The following CDKAL1 variants were observed in gnomAD, a reference collection of about 807,000 sequenced individuals.
CDKAL1 encodes the protein CDKAL1 threonylcarbamoyladenosine tRNA methylthiotransferase.
Under a neutral mutation model 68.2 loss-of-function variants are expected in CDKAL1, and 32 were observed. That is an observed-to-expected ratio of 0.47 (90% CI 0.35 to 0.63). The LOEUF (loss-of-function observed/expected upper bound fraction) is 0.63. CDKAL1 is among the 30% of genes least tolerant of loss of function. The pLI, the probability that CDKAL1 is intolerant of heterozygous loss-of-function variation, is 0.00. For missense variants in CDKAL1, 606 were observed against 696.7 expected (o/e 0.87, Z 1.47); for synonymous variants, 234 against 244.3 (o/e 0.96, Z 0.39).
chr6:20,760,072 A>G (rs1774396973), intron 7 of CDKAL1, among the ~76,000 whole-genome samples: 2 of 152,062 alleles, frequency 1.3e-5, no homozygotes, highest in African/African-American at 4.8e-5. Context: ...TCAATTTCTA[A>G]TAAATGAGAT....
chr6:20,875,267 C>G (rs1365835945), intron 9 of CDKAL1, among the ~76,000 whole-genome samples: 1 of 138,252 alleles, frequency 7.2e-6, no homozygotes, highest in South Asian at 2.3e-4. Context: ...CCACTGCAGT[C>G]CGCAGTCCGG....
At chr6:20,768,230 G>A (rs1581540714) in intron 7 of CDKAL1, among the ~76,000 whole-genome samples, 1 of 152,114 alleles carries the variant, frequency 6.6e-6, no homozygotes, top group Non-Finnish European at 1.5e-5. Context: ...TACTAACAAT[G>A]CTATCTTTAA....
At position 20,715,807 on chromosome 6, in the gene CDKAL1, G is replaced by A. The variant is rs372529415; in HGVS notation, c.372-23712G>A. Among the ~76,000 whole-genome samples the A allele has an allele frequency of 8.5e-5, 13 of 152,212 alleles. No individual in the cohort carries two copies. The East Asian group carries it at 1.9e-3, about 23-fold the overall frequency. ...TTATTTTTCCTAGTCAGTATTTCCT[G>A]ACTTTTCTCCTCTAGGTTGCATGTA... is the stretch of plus-strand genomic sequence containing the variant. On this transcript the variant is annotated intron_variant, in intron 5 of 15. Transcript: ENST00000274695.
rs774517817 is a variant in CDKAL1 at position 20,877,638 on chromosome 6, C to T, written c.742+31460C>T. On this transcript the variant is annotated intron_variant, in intron 9 of 15. Coordinates refer to ENST00000274695, the MANE Select transcript of CDKAL1 (RefSeq NM_017774.3). Reference sequence around the variant, plus strand: ...GAACTCAGAAAACTTGTTTGTGACCCGAAATTAGTTCTGTGTTCATTTCTT... The same window carrying T: ...GAACTCAGAAAACTTGTTTGTGACCTGAAATTAGTTCTGTGTTCATTTCTT... 5.9e-5 allele frequency among the ~76,000 whole-genome samples: 9 copies of T among 152,132 alleles called. No homozygotes were observed. The East Asian group carries it at 7.7e-4, about 13-fold the overall frequency.
At chr6:21,190,112 G>T (rs562151979) in intron 13 of CDKAL1, among the ~76,000 whole-genome samples, 1 of 151,842 alleles carries the variant, frequency 6.6e-6, no homozygotes, top group Non-Finnish European at 1.5e-5. Context: ...TATTTAACAT[G>T]TTCCAGGCAG....
rs575032271 is a variant in CDKAL1, at chr6:21,016,824, C to T, written c.1055+16452C>T. ...CTCATGTCTAACTTCTTCATGCCCACCATCACTGCCTCTTTAAGTAAGTAT... is the reference window on the plus strand; with the variant it reads ...CTCATGTCTAACTTCTTCATGCCCATCATCACTGCCTCTTTAAGTAAGTAT... On this transcript the variant is annotated intron_variant, in intron 11 of 15. Transcript: ENST00000274695. Among the ~76,000 whole-genome samples, 7 of 152,308 alleles carry T rather than the reference C, an allele frequency of 4.6e-5. No homozygotes were observed. The South Asian group carries it at 1.2e-3, about 27-fold the overall frequency.
intron 7 of CDKAL1, among the ~76,000 whole-genome samples, chr6:20,778,569 C>T (rs1581562098): frequency 6.6e-6 from 1 of 152,180 alleles, no homozygotes; most frequent in East Asian, 1.9e-4. Flanking sequence ...CTGAGAAGTC[C>T]CAAGATCTGC....
At chr6:20,632,515 C>A (rs892892601) in intron 4 of CDKAL1, among the ~76,000 whole-genome samples, 1 of 152,148 alleles carries the variant, frequency 6.6e-6, no homozygotes, top group African/African-American at 2.4e-5. Context: ...CAAGAAGATC[C>A]CTTCCAAGAA....
intron 8 of CDKAL1, among the ~76,000 whole-genome samples, chr6:20,832,684 A>C (rs57479013): frequency 0.013 from 1,967 of 152,212 alleles, 43 homozygotes; most frequent in South Asian, 0.049. Context: ...CAGATTAAGG[A>C]GGATATAAAA....
chr6:20,669,013 C>T (rs549724576), intron 5 of CDKAL1, among the ~76,000 whole-genome samples: 1 of 152,278 alleles, frequency 6.6e-6, no homozygotes, highest in South Asian at 2.1e-4. Context: ...CAAGAAGATT[C>T]AGGCTGTTGA....
chr6:20,749,875 GT>G (rs899092344), intron 6 of CDKAL1, among the ~76,000 whole-genome samples: 7 of 149,664 alleles, frequency 4.7e-5, no homozygotes, highest in African/African-American at 1.5e-4. Flanking sequence ...TTCCTTTTTT[GT>G]TTTTTTTTAA....
intron 5 of CDKAL1, among the ~76,000 whole-genome samples, chr6:20,667,235 G>T (rs1459147302): frequency 6.6e-6 from 1 of 152,162 alleles, no homozygotes; most frequent in East Asian, 1.9e-4. Context: ...AATATTTCTT[G>T]AATGCCTACT....
At chr6:21,012,870 G>A (rs1369916291) in intron 11 of CDKAL1, among the ~76,000 whole-genome samples, 1 of 152,208 alleles carries the variant, frequency 6.6e-6, no homozygotes, top group Non-Finnish European at 1.5e-5. Context: ...TTGTACAGTA[G>A]CGGCTGTGCA....
At chr6:20,927,147 G>A (rs868288807) in intron 9 of CDKAL1, among the ~76,000 whole-genome samples, 13 of 152,120 alleles carry the variant, frequency 8.5e-5, no homozygotes, top group African/African-American at 2.9e-4. Flanking sequence ...CTTTAATTTC[G>A]TAAGCTATTC....
chr6:20,653,014 T>C (rs939010717), intron 5 of CDKAL1, among the ~76,000 whole-genome samples: 3 of 152,252 alleles, frequency 2.0e-5, no homozygotes, highest in African/African-American at 7.2e-5. Context: ...ATACTGTTTG[T>C]GTTCTTCTGA....
intron 3 of CDKAL1, among the ~76,000 whole-genome samples, chr6:20,547,622 G>A (rs971644917): frequency 1.1e-4 from 17 of 152,144 alleles, no homozygotes; most frequent in South Asian, 4.2e-4. Context: ...ATTTTGTTGG[G>A]AAACTAAGCT....
chr6:20,840,107 G>A (rs1378822860), intron 8 of CDKAL1, among the ~76,000 whole-genome samples: 2 of 152,182 alleles, frequency 1.3e-5, no homozygotes, highest in Non-Finnish European at 2.9e-5. Context: ...TTGGCTGGCT[G>A]TATAACTTTG....
intron 7 of CDKAL1, among the ~76,000 whole-genome samples, chr6:20,773,719 T>C (rs531004379): frequency 3.3e-4 from 50 of 152,152 alleles, no homozygotes; most frequent in African/African-American, 1.1e-3. Flanking sequence ...AGCTAATTTT[T>C]TTATTTTTAG....
Position 20,970,996 on chromosome 6 carries a change from G to A in CDKAL1, c.909+15411G>A, listed in dbSNP as rs148676737. Among the ~76,000 whole-genome samples the A allele has an allele frequency of 4.1e-3, 617 of 152,032 alleles. 1 individual carries two copies. Among genetic ancestry groups the A allele is most frequent in the African/African-American group, 0.014 (585 of 41,490 alleles). On this transcript the variant is annotated intron_variant, in intron 10 of 15. Transcript: ENST00000274695. ...CCCGAGTAGCTGGGACTACAGGCACGTGCCACCACACCCGGCTAATTTTTG... is the reference window on the plus strand; with the variant it reads ...CCCGAGTAGCTGGGACTACAGGCACATGCCACCACACCCGGCTAATTTTTG...
Sources: gnomAD v4.1 joint callset for allele counts (sites outside exome capture counted in the v4.1 genomes callset) on GRCh38, gnomAD v4.1.1 for gene constraint, MANE v1.5 for transcripts, NCBI Gene and HGNC (gene_info 2026-07-23, HGNC 2026-07-21) for gene names.